The following ZNF385D variants were observed in gnomAD, a reference collection of about 807,000 sequenced individuals.
ZNF385D encodes zinc finger protein 659.
Under a neutral mutation model 35.8 loss-of-function variants are expected in ZNF385D, and 15 were observed. The observed-to-expected ratio is 0.42, with a 90% CI of 0.28 to 0.64. The LOEUF (loss-of-function observed/expected upper bound fraction) is 0.64. Among genes scored for constraint, ZNF385D ranks in the 30% least tolerant of loss-of-function variants. The pLI is 0.23. For synonymous variants in ZNF385D, 212 were observed against 186.8 expected (o/e 1.13, Z -1.10); for missense variants, 474 against 494.6 (o/e 0.96, Z 0.39).
intron 1 of ZNF385D, among the ~76,000 whole-genome samples, chr3:21,672,958 C>T (rs1281849922): frequency 6.6e-6 from 1 of 151,976 alleles, no homozygotes; most frequent in African/African-American, 2.4e-5. Flanking sequence ...AATATTTAAC[C>T]CCAAATATCC....
chr3:22,227,017 A>G (rs1008489358), intron 2 of ZNF385D, among the ~76,000 whole-genome samples: 1 of 152,168 alleles, frequency 6.6e-6, no homozygotes, highest in Non-Finnish European at 1.5e-5. Context: ...ACATGCATTC[A>G]GCATATTTTG....
intron 3 of ZNF385D, among the ~76,000 whole-genome samples, chr3:22,010,351 A>C (rs1559846010): frequency 6.6e-6 from 1 of 152,216 alleles, no homozygotes; most frequent in Non-Finnish European, 1.5e-5. Context: ...AGTGTTCTAT[A>C]CACATAATTC....
intron 2 of ZNF385D, among the ~76,000 whole-genome samples, chr3:22,334,873 T>C (rs1695094863): frequency 2.0e-5 from 3 of 152,320 alleles, no homozygotes; most frequent in African/African-American, 7.2e-5. Flanking sequence ...AATTTCCTGC[T>C]GATTTCTTCA....
intron 2 of ZNF385D, among the ~76,000 whole-genome samples, chr3:21,581,882 C>T (rs938289260): frequency 7.2e-5 from 11 of 152,014 alleles, no homozygotes; most frequent in African/African-American, 2.7e-4. Context: ...TGATTCAACT[C>T]GATGTTTAAA....
chr3:22,098,024 G>C (rs1400107082), intron 3 of ZNF385D, among the ~76,000 whole-genome samples: 1 of 152,014 alleles, frequency 6.6e-6, no homozygotes, highest in Non-Finnish European at 1.5e-5. Context: ...GAAGCTACTA[G>C]GAACTCACAG....
intron 3 of ZNF385D, among the ~76,000 whole-genome samples, chr3:22,023,884 G>C (rs573579037): frequency 6.6e-6 from 1 of 152,074 alleles, no homozygotes. Context: ...AGGACTCCCT[G>C]TATTAGTTCG....
chr3:22,150,024 T>C (rs965363604), intron 3 of ZNF385D, among the ~76,000 whole-genome samples: 1 of 152,204 alleles, frequency 6.6e-6, no homozygotes, highest in African/African-American at 2.4e-5. Context: ...GATGAAATAA[T>C]GAATTAAAAT....
intron 2 of ZNF385D, among the ~76,000 whole-genome samples, chr3:22,291,985 A>C (rs368549268): frequency 5.3e-5 from 8 of 152,070 alleles, no homozygotes; most frequent in African/African-American, 1.9e-4. Flanking sequence ...TAATCTTCAC[A>C]AAAGATAATC....
chr3:22,059,164 T>G lies in ZNF385D; in HGVS notation c.325+109653A>C, dbSNP rs1044023849. 4.1e-4 allele frequency among the ~76,000 whole-genome samples: 63 copies of G among 152,166 alleles called. 1 individual carries two copies. Among genetic ancestry groups the G allele is most frequent in the African/African-American group, 1.4e-3 (56 of 41,448 alleles). On this transcript the variant is annotated intron_variant, in intron 3 of 5. Coordinates refer to the ZNF385D transcript ENST00000494108. ...TTATTTCTTTAAAAAGGACCCTGTG[T>G]AATCATTGGAGGTGACTGCCCTCTG... is the stretch of plus-strand genomic sequence containing the variant.
chr3:21,764,273 G>C (rs1485328910), intron 3 of ZNF385D, among the ~76,000 whole-genome samples: 1 of 152,138 alleles, frequency 6.6e-6, no homozygotes, highest in South Asian at 2.1e-4. Flanking sequence ...GCAGGGGAGA[G>C]TGGTATAGTA....
At chr3:22,077,497 T>C (rs967820777) in intron 3 of ZNF385D, among the ~76,000 whole-genome samples, 3 of 152,016 alleles carry the variant, frequency 2.0e-5, no homozygotes, top group Admixed American at 2.0e-4. Flanking sequence ...AGATTTCTTA[T>C]CAATAGATTA....
rs572458972 is a variant in ZNF385D, at chr3:22,139,631, G to C, written c.325+29186C>G. 1.2e-4 allele frequency among the ~76,000 whole-genome samples: 18 copies of C among 151,966 alleles called. 1 individual carries two copies. Among genetic ancestry groups the C allele is most frequent in the Admixed American group, 1.2e-3 (18 of 15,236 alleles). On this transcript the variant is annotated intron_variant, in intron 3 of 5. Coordinates refer to the ZNF385D transcript ENST00000494108. ...GGCCTGTTGTGGGGTGGGGGGAGGA[G>C]GGAGGGATAGCATTAGGTGATATAC...
intron 2 of ZNF385D, among the ~76,000 whole-genome samples, chr3:22,209,209 C>T (rs1576498988): frequency 6.6e-6 from 1 of 151,890 alleles, no homozygotes; most frequent in African/African-American, 2.4e-5. Flanking sequence ...GCAGATATGA[C>T]ACATTCCCTT....
At chr3:22,250,285 CTT>C (rs1699996849) in intron 2 of ZNF385D, among the ~76,000 whole-genome samples, 1 of 151,922 alleles carries the variant, frequency 6.6e-6, no homozygotes, top group Non-Finnish European at 1.5e-5. Flanking sequence ...ATGCAAAAGT[CTT>C]TTTATTTATT....
At chr3:21,775,678 C>T (rs1450058168) in intron 3 of ZNF385D, among the ~76,000 whole-genome samples, 1 of 151,552 alleles carries the variant, frequency 6.6e-6, no homozygotes, top group Non-Finnish European at 1.5e-5. Flanking sequence ...TTTTGTATTC[C>T]CCCAAATTAA....
intron 3 of ZNF385D, among the ~76,000 whole-genome samples, chr3:22,105,296 C>T (rs1467670594): frequency 6.6e-6 from 1 of 150,836 alleles, no homozygotes; most frequent in Non-Finnish European, 1.5e-5. Context: ...TCAGTAATTA[C>T]TGCATATTGC....
At chr3:22,259,160 T>C (rs1434340194) in intron 2 of ZNF385D, among the ~76,000 whole-genome samples, 1 of 151,908 alleles carries the variant, frequency 6.6e-6, no homozygotes, top group Non-Finnish European at 1.5e-5. Flanking sequence ...ATTTGGAAAG[T>C]ACTGGTTTAC....
intron 2 of ZNF385D, among the ~76,000 whole-genome samples, chr3:21,585,316 TAGTG>T (rs534904999): frequency 2.3e-3 from 343 of 152,296 alleles, no homozygotes; most frequent in African/African-American, 7.3e-3. Flanking sequence ...TGGGAACTCT[TAGTG>T]AGAGTTACTT....
chr3:21,457,899 A>G (rs1702918773), intron 4 of ZNF385D, among the ~76,000 whole-genome samples: 1 of 152,194 alleles, frequency 6.6e-6, no homozygotes, highest in Non-Finnish European at 1.5e-5. Flanking sequence ...ATTATTTTCT[A>G]CATTTGGAAA....
Sources: allele counts gnomAD v4.1 joint callset (sites outside exome capture counted in the v4.1 genomes callset), GRCh38; gene constraint gnomAD v4.1.1; transcripts MANE v1.5; gene names NCBI Gene and HGNC (gene_info 2026-07-23, HGNC 2026-07-21).